Variants in PTPRM observed in about 807,000 individuals in gnomAD.
PTPRM encodes the protein protein tyrosine phosphatase receptor type M.
PTPRM carries 47 observed loss-of-function variants against 186.7 expected under a neutral mutation model. The ratio of observed to expected loss-of-function variants is 0.25; its 90% CI spans 0.20 to 0.32. PTPRM has a LOEUF of 0.32. PTPRM is among the 10% of genes least tolerant of loss of function. The pLI, the probability that PTPRM is intolerant of heterozygous loss-of-function variation, is 1.00. For synonymous variants in PTPRM, 668 were observed against 674.9 expected, an observed-to-expected ratio of 0.99 and a Z score of 0.16; for missense variants, 1,494 against 1,865.0, an observed-to-expected ratio of 0.80 and a Z score of 3.66.
chr18:7,694,076 G>A (rs2039791226), intron 1 of PTPRM, among the ~76,000 whole-genome samples: 2 of 152,198 alleles, frequency 1.3e-5, no homozygotes, highest in Non-Finnish European at 2.9e-5. Context: ...AAGTGATCAA[G>A]TGTGACACAA....
intron 7 of PTPRM, among the ~76,000 whole-genome samples, chr18:8,013,006 A>G (rs1387242847): frequency 1.3e-5 from 2 of 152,048 alleles, no homozygotes; most frequent in Non-Finnish European, 2.9e-5. Context: ...TTGCTAGCCC[A>G]ACCCTGTCCT....
intron 11 of PTPRM, among the ~76,000 whole-genome samples, chr18:8,099,107 G>GCACACA (rs144615554): frequency 3.3e-5 from 5 of 151,188 alleles, no homozygotes; most frequent in African/African-American, 1.2e-4. Context: ...TGTCCTGCCT[G>GCACACA]CACACACACA....
intron 22 of PTPRM, among the ~76,000 whole-genome samples, chr18:8,334,415 C>T (rs2095427705): frequency 6.6e-6 from 1 of 152,188 alleles, no homozygotes; most frequent in Non-Finnish European, 1.5e-5. Flanking sequence ...CCCACGCTGG[C>T]CCTGCCAGCC....
At chr18:8,039,605 G>A (rs1169126126) in intron 7 of PTPRM, among the ~76,000 whole-genome samples, 1 of 152,058 alleles carries the variant, frequency 6.6e-6, no homozygotes, top group African/African-American at 2.4e-5. Context: ...TGTACCTTGT[G>A]GAATGGCTAC....
rs370764192 is a variant in PTPRM at position 8,394,516 on chromosome 18, A to G, written c.4249A>G (p.Ile1417Val). 1 of 1,613,664 alleles carries G rather than the reference A, an allele frequency of 6.2e-7. No individual in the cohort carries two copies. Among genetic ancestry groups the G allele is most frequent in the Middle Eastern group, 1.7e-4 (1 of 6,060 alleles). ...CAGTGGGACGTTCTGCGCCATCAGCATCGTATGTGAGATGCTCCGGCACCA... is the reference window on the plus strand; with the variant it reads ...CAGTGGGACGTTCTGCGCCATCAGCGTCGTATGTGAGATGCTCCGGCACCA... ...GRSGTFCAIS[I>V]VCEMLRHQRT... The change falls in exon 32 of 33, where the codon ATC (isoleucine) becomes GTC (valine). Residue 1417 changes from isoleucine (I) to valine (V), a missense_variant. Ile to Val is a conservative substitution (Grantham distance 29, BLOSUM62 3). Coordinates refer to ENST00000580170, the MANE Select transcript of PTPRM (RefSeq NM_001105244.2).
chr18:7,906,606 T>C (rs374565100), intron 4 of PTPRM, 23 bp downstream of exon 4: 8 of 1,533,798 alleles, frequency 5.2e-6, no homozygotes, highest in African/African-American at 1.4e-5. Context: ...TATTTGTAAA[T>C]ATTCGGGTAC....
intron 1 of PTPRM, among the ~76,000 whole-genome samples, chr18:7,625,749 G>A (rs1397792696): frequency 6.7e-6 from 1 of 148,696 alleles, no homozygotes; most frequent in Admixed American, 6.7e-5. Context: ...TGGCCAGGCT[G>A]GTCTTGAACT....
At chr18:7,983,721 G>A (rs2082682879) in intron 7 of PTPRM, among the ~76,000 whole-genome samples, 2 of 152,094 alleles carry the variant, frequency 1.3e-5, no homozygotes, top group African/African-American at 4.8e-5. Flanking sequence ...ATATTTGCCT[G>A]TCTTCTTTGC....
intron 17 of PTPRM, among the ~76,000 whole-genome samples, chr18:8,249,604 AT>A (rs2094508860): frequency 6.6e-6 from 1 of 152,112 alleles, no homozygotes; most frequent in Non-Finnish European, 1.5e-5. Flanking sequence ...CCTCTAGTAG[AT>A]TTTCTGACCT....
At chr18:8,289,773 C>A (rs1335826720) in intron 19 of PTPRM, among the ~76,000 whole-genome samples, 1 of 151,730 alleles carries the variant, frequency 6.6e-6, no homozygotes, top group African/African-American at 2.4e-5. Context: ...AAAAATTCTG[C>A]ACAATTTCAC....
At chr18:7,886,121 C>T (rs937665513) in intron 2 of PTPRM, among the ~76,000 whole-genome samples, 4 of 152,166 alleles carry the variant, frequency 2.6e-5, no homozygotes, top group African/African-American at 7.2e-5. Flanking sequence ...GCCTCAGCTC[C>T]ACCAGTAAGG....
At chr18:7,584,620 C>T (rs1321074938) in intron 1 of PTPRM, among the ~76,000 whole-genome samples, 3 of 150,602 alleles carry the variant, frequency 2.0e-5, no homozygotes, top group Non-Finnish European at 4.4e-5. Context: ...TTATTAGATT[C>T]TGGGTACCCC....
chr18:8,403,498 G>C (rs1191156387), intron 32 of PTPRM: 7 of 151,788 alleles, frequency 4.6e-5, no homozygotes, highest in Non-Finnish European at 8.8e-5. Flanking sequence ...TTCATTTGGG[G>C]GATGAATACC....
At chr18:7,911,315 T>C (rs371252574) in intron 4 of PTPRM, among the ~76,000 whole-genome samples, 5 of 152,360 alleles carry the variant, frequency 3.3e-5, no homozygotes, top group African/African-American at 1.2e-4. Flanking sequence ...TTTGAAGAAC[T>C]GTGAAATTGT....
intron 14 of PTPRM, among the ~76,000 whole-genome samples, chr18:8,165,853 C>T (rs1233084636): frequency 6.6e-6 from 1 of 152,162 alleles, no homozygotes; most frequent in Non-Finnish European, 1.5e-5. Flanking sequence ...TGCAGTTCCC[C>T]CCTTATGGGC....
intron 19 of PTPRM, among the ~76,000 whole-genome samples, chr18:8,291,376 C>T (rs888612630): frequency 5.9e-5 from 9 of 152,122 alleles, no homozygotes; most frequent in African/African-American, 1.9e-4. Flanking sequence ...GCATATGCTT[C>T]GAAAATCCTT....
intron 2 of PTPRM, among the ~76,000 whole-genome samples, chr18:7,876,452 C>T (rs945205006): frequency 2.4e-4 from 37 of 152,244 alleles, no homozygotes; most frequent in East Asian, 9.6e-4. Flanking sequence ...TGTCTTAAAA[C>T]AACACTCATA....
At chr18:8,075,385 G>A (rs774215028) in intron 8 of PTPRM, among the ~76,000 whole-genome samples, 2 of 151,982 alleles carry the variant, frequency 1.3e-5, no homozygotes, top group Non-Finnish European at 1.5e-5. Context: ...AGTTCTCTCC[G>A]ACTGCTTATT....
chr18:7,614,152 A>G (rs942846737), intron 1 of PTPRM, among the ~76,000 whole-genome samples: 2 of 152,208 alleles, frequency 1.3e-5, no homozygotes, highest in Non-Finnish European at 2.9e-5. Context: ...ATCCAAATCA[A>G]ACCTACTAGT....
Sources: allele counts gnomAD v4.1 joint callset (sites outside exome capture counted in the v4.1 genomes callset), GRCh38; gene constraint gnomAD v4.1.1; transcripts MANE v1.5; gene names NCBI Gene and HGNC (gene_info 2026-07-23, HGNC 2026-07-21).